Variants in DCPS observed in about 807,000 individuals in gnomAD.
The protein encoded by DCPS is decapping enzyme, scavenger, also known as m7GpppX diphosphatase.
In DCPS, 27 loss-of-function variants were observed where a neutral mutation model predicts 34.7. That is an observed-to-expected ratio of 0.78 (90% CI 0.57 to 1.07). The LOEUF (loss-of-function observed/expected upper bound fraction) is 1.07, where lower values mean the gene tolerates loss of function less well. DCPS is among the 50% of genes least tolerant of loss of function. The pLI, the probability that DCPS is intolerant of heterozygous loss-of-function variation, is 0.00. For missense variants in DCPS, 464 were observed against 436.9 expected (o/e 1.06, Z -0.55); for synonymous variants, 185 against 185.7 (o/e 1.00, Z 0.03).
chr11:126,337,673 A>G lies in DCPS; in HGVS notation c.523-613A>G, dbSNP rs1951842236. On this transcript the variant is annotated intron_variant, in intron 3 of 5. Coordinates refer to ENST00000263579, the MANE Select transcript of DCPS (RefSeq NM_014026.6). The surrounding 1 kb of genome is among the most constrained non-coding windows in gnomAD (Gnocchi z 5.3). ...CCATGCGGGGTCTGTGTCAGCAGAG[A>G]CTGCTGATAAACCGGCATCTGCAGC... 1 of 153,486 alleles carries G rather than the reference A, an allele frequency of 6.5e-6. No individual in the cohort carries two copies. The highest frequency in any genetic ancestry group is 2.0e-4 in the South Asian group (1 of 4,910). The allele number at this position is 153,486 out of a possible 1,614,324, so 9.5% of individuals were successfully genotyped here.
rs759339309 is a variant in DCPS, at chr11:126,338,019, G to A, written c.523-267G>A. ...ATGTGCACTATGCTGACCAGGAAGA[G>A]CCTGGCCCCTTCCAAGCTGCAGAGA... On this transcript the variant is annotated intron_variant, in intron 3 of 5. Coordinates refer to ENST00000263579, the MANE Select transcript of DCPS (RefSeq NM_014026.6). The surrounding 1 kb of genome is among the most constrained non-coding windows in gnomAD (Gnocchi z 5.4). 3.1e-5 allele frequency: 15 copies of A among 488,692 alleles called. No homozygotes were observed. The highest frequency in any genetic ancestry group is 5.6e-5 in the Non-Finnish European group (15 of 267,692). The allele number at this position is 488,692 out of a possible 1,614,324, so 30.3% of individuals were successfully genotyped here.
rs1951825783 is a variant in DCPS at position 126,335,403 on chromosome 11, A to G, written c.523-2883A>G. Among the ~76,000 whole-genome samples the G allele has an allele frequency of 6.6e-6, 1 of 152,216 alleles. No homozygotes were observed. The highest frequency in any genetic ancestry group is 1.5e-5 in the Non-Finnish European group (1 of 68,026). ...TTCAGATGGTGGCACTCCCCATTAC[A>G]TAGCTCTCTGTGTTTGTGTGAATTT... On this transcript the variant is annotated intron_variant, in intron 3 of 5. Coordinates refer to ENST00000263579, the MANE Select transcript of DCPS (RefSeq NM_014026.6). The surrounding 1 kb of genome is among the most constrained non-coding windows in gnomAD (Gnocchi z 4.8).
rs905706718 is a variant in DCPS at position 126,338,716 on chromosome 11, G to C, written c.636+317G>C. On this transcript the variant is annotated intron_variant, in intron 4 of 5. Transcript: ENST00000263579. This position sits in a 1 kb window ranked among gnomAD's most constrained non-coding sequence, Gnocchi z 5.4. ...TGGGCAGCCACCTGTGCTTCCACCCGCATCTGGAGCCCTCGGGTGGGGTGT... is the reference window on the plus strand; with the variant it reads ...TGGGCAGCCACCTGTGCTTCCACCCCCATCTGGAGCCCTCGGGTGGGGTGT... 5.3e-5 allele frequency among the ~76,000 whole-genome samples: 8 copies of C among 152,272 alleles called. No individual in the cohort carries two copies. The highest frequency in any genetic ancestry group is 1.9e-4 in the African/African-American group (8 of 41,552).
chr11:126,316,258 A>T (rs566098355), intron 2 of DCPS, among the ~76,000 whole-genome samples: 75 of 152,132 alleles, frequency 4.9e-4, no homozygotes, highest in Non-Finnish European at 7.8e-4. Flanking sequence ...CCCGCAGCCC[A>T]GGACAGCTTT....
chr11:126,338,144 TG>T lies in DCPS; in HGVS notation c.523-141del, dbSNP rs1310484744. 3 of 711,784 alleles carry T rather than the reference TG, an allele frequency of 4.2e-6. No individual in the cohort carries two copies. Among genetic ancestry groups the T allele is most frequent in the Non-Finnish European group, 7.4e-6 (3 of 406,476 alleles). 44.1% of individuals were successfully genotyped at this position (711,784 alleles called of 1,614,324 possible). A position where few individuals can be genotyped will look rare whatever the true frequency, so the allele number is the denominator to read the frequency against. ...ATGCTTGGGGACAGGGCAGCCCGGA[TG>T]TAGATCCTCTGAGCGTGGCGGCCTT... On this transcript the variant is annotated intron_variant, in intron 3 of 5. Transcript: ENST00000263579. The surrounding 1 kb of genome is among the most constrained non-coding windows in gnomAD (Gnocchi z 5.4).
intron 2 of DCPS, among the ~76,000 whole-genome samples, chr11:126,326,722 G>C (rs562212788): frequency 2.0e-5 from 3 of 152,282 alleles, no homozygotes; most frequent in South Asian, 4.1e-4. Context: ...AGGAGATCGA[G>C]ACCATCCTGG....
Position 126,349,738 on chromosome 11 carries a change from A to G in DCPS, c.*4125A>G, listed in dbSNP as rs990858789. Among the ~76,000 whole-genome samples the G allele has an allele frequency of 1.4e-4, 21 of 152,222 alleles. No homozygotes were observed. Among genetic ancestry groups the G allele is most frequent in the African/African-American group, 5.1e-4 (21 of 41,454 alleles). ...AGGAAGGACTGTTTTTATTCCAAAC[A>G]TGTATATATAAGGTTAAAATGTATT... On this transcript the variant is annotated 3_prime_UTR_variant, in exon 6 of 6. Coordinates refer to ENST00000263579, the MANE Select transcript of DCPS (RefSeq NM_014026.6). The surrounding 1 kb of genome is among the most constrained non-coding windows in gnomAD (Gnocchi z 5.4).
chr11:126,331,264 A>C lies in DCPS; in HGVS notation c.377-141A>C. ...GGCACAAGGCACTCTGTGGGAGTGG[A>C]TCTTGGGTGCATGATCCTCTTGGAT... On this transcript the variant is annotated intron_variant, in intron 2 of 5. Coordinates refer to ENST00000263579, the MANE Select transcript of DCPS (RefSeq NM_014026.6). The surrounding 1 kb of genome is among the most constrained non-coding windows in gnomAD (Gnocchi z 7.2). The C allele has an allele frequency of 8.0e-7, 1 of 1,253,774 alleles. No homozygotes were observed. Among genetic ancestry groups the C allele is most frequent in the Non-Finnish European group, 1.1e-6 (1 of 899,872 alleles). 77.7% of individuals were successfully genotyped at this position (1,253,774 alleles called of 1,614,324 possible).
In DCPS at chr11:126,333,809, A is replaced by G. The variant is rs1214817013; in HGVS notation, c.522+2259A>G. 6.6e-6 allele frequency among the ~76,000 whole-genome samples: 1 copy of G among 152,206 alleles called. No individual in the cohort carries two copies. The highest frequency in any genetic ancestry group is 2.4e-5 in the African/African-American group (1 of 41,442). On this transcript the variant is annotated intron_variant, in intron 3 of 5. Coordinates refer to ENST00000263579, the MANE Select transcript of DCPS (RefSeq NM_014026.6). The surrounding 1 kb of genome is among the most constrained non-coding windows in gnomAD (Gnocchi z 5.7). The stretch of plus-strand genomic sequence containing the variant: ...CTGGGGGTTTTCATAAATACCGAGC[A>G]CAGAGCACTATTCCATATCTGCTGA...
rs947270486 is a variant in DCPS at position 126,346,130 on chromosome 11, C to T, written c.*517C>T. ...CCTCCTTCCAGCAGTGAGGTCACACCTCCCTGTGAGTCAGTCAACCCTGCT... is the reference window on the plus strand; with the variant it reads ...CCTCCTTCCAGCAGTGAGGTCACACTTCCCTGTGAGTCAGTCAACCCTGCT... On this transcript the variant is annotated 3_prime_UTR_variant, in exon 6 of 6. Transcript: ENST00000263579. This position sits in a 1 kb window ranked among gnomAD's most constrained non-coding sequence, Gnocchi z 4.1. Among the ~76,000 whole-genome samples the T allele has an allele frequency of 1.3e-5, 2 of 152,174 alleles. No homozygotes were observed. The highest frequency in any genetic ancestry group is 6.5e-5 in the Admixed American group (1 of 15,272).
chr11:126,306,548 CTGA>C lies in DCPS; in HGVS notation c.202-16_202-14del, dbSNP rs764625589. 1.3e-6 allele frequency: 2 copies of C among 1,580,972 alleles called. No homozygotes were observed. The highest frequency in any genetic ancestry group is 2.7e-5 in the African/African-American group (2 of 74,446). ...CATCGTGGTTCTGCCCTTGAGCCCA[CTGA>C]TGATGCCTCTGCCCACAGGTGAATG... On this transcript the variant is annotated intron_variant, in intron 1 of 5. Coordinates refer to ENST00000263579, the MANE Select transcript of DCPS (RefSeq NM_014026.6).
rs1951698399 is a variant in DCPS, at chr11:126,320,558, A to G, written c.377-10847A>G. ...TGGCTCATGCCCCTAATCCCAACACATTGGGAGGCCAAGGTGGGTGGATTG... is the reference window on the plus strand; with the variant it reads ...TGGCTCATGCCCCTAATCCCAACACGTTGGGAGGCCAAGGTGGGTGGATTG... On this transcript the variant is annotated intron_variant, in intron 2 of 5. Transcript: ENST00000263579. The surrounding 1 kb of genome is among the most constrained non-coding windows in gnomAD (Gnocchi z 4.7). Among the ~76,000 whole-genome samples the G allele has an allele frequency of 2.0e-5, 3 of 152,124 alleles. No homozygotes were observed. Among genetic ancestry groups the G allele is most frequent in the Non-Finnish European group, 4.4e-5 (3 of 68,010 alleles).
chr11:126,321,044 C>T (rs1157336281), intron 2 of DCPS, among the ~76,000 whole-genome samples: 1 of 151,896 alleles, frequency 6.6e-6, no homozygotes, highest in Non-Finnish European at 1.5e-5. Context: ...TCCCTTGAGT[C>T]AAGAGTTGGA....
chr11:126,305,583 G>T (rs1310442904), intron 1 of DCPS, among the ~76,000 whole-genome samples: 5 of 150,058 alleles, frequency 3.3e-5, no homozygotes, highest in Admixed American at 2.0e-4. Context: ...ACCATGCCCA[G>T]CTAATTTTCG....
At position 126,331,728 on chromosome 11, in the gene DCPS, G is replaced by C. The variant is rs1287479801; in HGVS notation, c.522+178G>C. On this transcript the variant is annotated intron_variant, in intron 3 of 5. Transcript: ENST00000263579. This position sits in a 1 kb window ranked among gnomAD's most constrained non-coding sequence, Gnocchi z 7.2. ...TCGTGCAGCTTACATCCCATGCACAGTCACACGGTGTGTGACCATACACAG... is the reference window on the plus strand; with the variant it reads ...TCGTGCAGCTTACATCCCATGCACACTCACACGGTGTGTGACCATACACAG... 6.6e-6 allele frequency among the ~76,000 whole-genome samples: 1 copy of C among 152,212 alleles called. No homozygotes were observed. The highest frequency in any genetic ancestry group is 1.5e-5 in the Non-Finnish European group (1 of 68,044).
chr11:126,334,356 T>G lies in DCPS; in HGVS notation c.522+2806T>G, dbSNP rs1469234408. On this transcript the variant is annotated intron_variant, in intron 3 of 5. Coordinates refer to ENST00000263579, the MANE Select transcript of DCPS (RefSeq NM_014026.6). This position sits in a 1 kb window ranked among gnomAD's most constrained non-coding sequence, Gnocchi z 5.5. Reference sequence around the variant, plus strand: ...TATTTATTTATTTATTATTTATTTATTTTTGAGATGGAGTTTCACTCTTGT... The same window carrying G: ...TATTTATTTATTTATTATTTATTTAGTTTTGAGATGGAGTTTCACTCTTGT... 6.6e-6 allele frequency among the ~76,000 whole-genome samples: 1 copy of G among 152,152 alleles called. No homozygotes were observed. The highest frequency in any genetic ancestry group is 2.4e-5 in the African/African-American group (1 of 41,422).
chr11:126,327,112 C>G lies in DCPS; in HGVS notation c.377-4293C>G, dbSNP rs1486454711. ...ACATACAGTCCATAGTTAAGTTGTG[C>G]CAGTTGCTTCAGTGCAGGGCGCCCC... On this transcript the variant is annotated intron_variant, in intron 2 of 5. Coordinates refer to ENST00000263579, the MANE Select transcript of DCPS (RefSeq NM_014026.6). This position sits in a 1 kb window ranked among gnomAD's most constrained non-coding sequence, Gnocchi z 4.1. Among the ~76,000 whole-genome samples the G allele has an allele frequency of 1.3e-5, 2 of 152,160 alleles. No individual in the cohort carries two copies. Among genetic ancestry groups the G allele is most frequent in the Non-Finnish European group, 2.9e-5 (2 of 68,032 alleles).
intron 2 of DCPS, among the ~76,000 whole-genome samples, chr11:126,316,843 A>T (rs971341260): frequency 6.6e-6 from 1 of 150,486 alleles, no homozygotes; most frequent in Non-Finnish European, 1.5e-5. Context: ...TTTAGTAGAG[A>T]CAGGGTTTCA....
intron 1 of DCPS, among the ~76,000 whole-genome samples, 193 bp downstream of exon 1, chr11:126,304,474 G>A (rs1055769106): frequency 2.6e-5 from 4 of 152,126 alleles, no homozygotes; most frequent in Non-Finnish European, 4.4e-5. Flanking sequence ...TTAAGGCAAT[G>A]AACACATCTA....
Sources: gnomAD v4.1 joint callset for allele counts (sites outside exome capture counted in the v4.1 genomes callset) on GRCh38, gnomAD v4.1.1 for gene constraint, Gnocchi (gnomAD v3.1) non-coding constraint, MANE v1.5 for transcripts, NCBI Gene and HGNC (gene_info 2026-07-23, HGNC 2026-07-21) for gene names.